Variants in COL13A1 observed in about 807,000 individuals in gnomAD.
COL13A1 encodes collagen type XIII alpha 1 chain, also known as collagen alpha-1(XIII) chain.
A neutral mutation model predicts 130.9 loss-of-function variants in COL13A1; 89 were observed. The ratio of observed to expected loss-of-function variants is 0.68; its 90% CI spans 0.57 to 0.81. COL13A1 has a LOEUF of 0.81. COL13A1 is among the 30% of genes least tolerant of loss of function. The pLI is 0.00. For synonymous variants in COL13A1, 402 were observed against 341.6 expected, an observed-to-expected ratio of 1.18 and a Z score of -1.95; for missense variants, 879 against 934.6, an observed-to-expected ratio of 0.94 and a Z score of 0.78.
At chr10:69,833,628 T>C (rs1849328879) in intron 2 of COL13A1, among the ~76,000 whole-genome samples, 1 of 152,194 alleles carries the variant, frequency 6.6e-6, no homozygotes, top group Non-Finnish European at 1.5e-5. Flanking sequence ...ATGGAAGAAG[T>C]GGCATTTGAA....
intron 1 of COL13A1, among the ~76,000 whole-genome samples, chr10:69,804,961 G>A (rs1370458221): frequency 6.6e-6 from 1 of 152,134 alleles, no homozygotes; most frequent in South Asian, 2.1e-4. Context: ...AAGAGCTGAA[G>A]GATGAATAGG....
chr10:69,867,661 G>A lies in COL13A1; in HGVS notation c.365-137G>A. On this transcript the variant is annotated intron_variant, in intron 2 of 40. Coordinates refer to ENST00000645393, the MANE Select transcript of COL13A1 (RefSeq NM_001368882.1). ...GAAGAGATTATATTGGTGAAAGTAG[G>A]CCAGGAAAAGACAAACTTCGAAGAC... 4.7e-6 allele frequency: 3 copies of A among 635,192 alleles called. No homozygotes were observed. The South Asian group carries it at 5.5e-5, about 12-fold the overall frequency. 39.3% of individuals were successfully genotyped at this position (635,192 alleles called of 1,614,324 possible). A position where few individuals can be genotyped will look rare whatever the true frequency, so the allele number is the denominator to read the frequency against.
At chr10:69,820,479 G>C (rs897978286) in intron 1 of COL13A1, among the ~76,000 whole-genome samples, 1 of 152,260 alleles carries the variant, frequency 6.6e-6, no homozygotes, top group African/African-American at 2.4e-5. Flanking sequence ...GGTGGGGAGG[G>C]ATGTGGAGGC....
In COL13A1 at chr10:69,947,349, C is replaced by G; in HGVS notation, c.2058+7C>G. 6.2e-7 allele frequency: 1 copy of G among 1,610,288 alleles called. No individual in the cohort carries two copies. The highest frequency in any genetic ancestry group is 8.5e-7 in the Non-Finnish European group (1 of 1,177,486). ...CGGGGACAAGGGAAACCGGGTGAGT[C>G]TGAGCCCCTGCACTCGTGCTCTAGT... On this transcript the variant is annotated splice_region_variant and intron_variant, in intron 38 of 40. Transcript: ENST00000645393.
chr10:69,918,425 G>T, intron 19 of COL13A1, 108 bp downstream of exon 19: 1 of 1,065,204 alleles, frequency 9.4e-7, no homozygotes, highest in Non-Finnish European at 1.4e-6. Context: ...CCAATGAGGG[G>T]GCATACAGGA....
intron 2 of COL13A1, chr10:69,824,126 C>G (rs1296556821): frequency 4.2e-6 from 2 of 472,198 alleles, no homozygotes; most frequent in Non-Finnish European, 8.8e-6. Flanking sequence ...ATTTAACCTC[C>G]TTGTGCCTCA....
At chr10:69,903,966 C>T (rs531403641) in intron 15 of COL13A1, among the ~76,000 whole-genome samples, 4 of 152,164 alleles carry the variant, frequency 2.6e-5, no homozygotes, top group Non-Finnish European at 5.9e-5. Context: ...CAGCTATGGC[C>T]GAACACAGCA....
intron 2 of COL13A1, among the ~76,000 whole-genome samples, chr10:69,843,532 T>C (rs1316015945): frequency 3.9e-5 from 6 of 152,240 alleles, no homozygotes; most frequent in African/African-American, 1.4e-4. Context: ...TTTCAAGTGT[T>C]CCTGTGGCTA....
intron 35 of COL13A1, among the ~76,000 whole-genome samples, chr10:69,942,730 G>A (rs753534822): frequency 3.3e-5 from 5 of 152,234 alleles, no homozygotes; most frequent in African/African-American, 7.2e-5. Context: ...TGGTACAGAC[G>A]GGGAAACCGA....
intron 2 of COL13A1, among the ~76,000 whole-genome samples, chr10:69,838,921 G>A (rs374388174): frequency 2.0e-4 from 30 of 152,340 alleles, no homozygotes; most frequent in African/African-American, 5.5e-4. Flanking sequence ...GAGTTCCTGC[G>A]TGTGAAGCCC....
At chr10:69,883,062 A>G (rs941785688) in intron 7 of COL13A1, among the ~76,000 whole-genome samples, 6 of 152,186 alleles carry the variant, frequency 3.9e-5, no homozygotes, top group Non-Finnish European at 7.4e-5. Flanking sequence ...GCTAATAAGA[A>G]CCAGCCTTGC....
chr10:69,814,280 C>G (rs1469186662), intron 1 of COL13A1, among the ~76,000 whole-genome samples: 1 of 152,250 alleles, frequency 6.6e-6, no homozygotes, highest in Non-Finnish European at 1.5e-5. Flanking sequence ...AGACCCTCCT[C>G]ACTCACCCTC....
chr10:69,850,293 C>A (rs7096311), intron 2 of COL13A1, among the ~76,000 whole-genome samples: 32,582 of 149,406 alleles, frequency 0.22, 3,780 homozygotes, highest in Middle Eastern at 0.39. Context: ...AGATTCTGGA[C>A]TCCACAAGAT....
chr10:69,842,859 G>C (rs1261291828), intron 2 of COL13A1, among the ~76,000 whole-genome samples: 1 of 152,232 alleles, frequency 6.6e-6, no homozygotes, highest in Non-Finnish European at 1.5e-5. Context: ...GAGGGTTTCA[G>C]ACGGGGTCCC....
intron 10 of COL13A1, 40 bp downstream of exon 10, chr10:69,889,480 G>A (rs1197893314): frequency 6.2e-7 from 1 of 1,604,312 alleles, no homozygotes; most frequent in African/African-American, 1.3e-5. Flanking sequence ...GATGGGTGGG[G>A]GTTGGCCCAG....
chr10:69,854,209 C>T (rs987522059), intron 2 of COL13A1, among the ~76,000 whole-genome samples: 3 of 152,162 alleles, frequency 2.0e-5, no homozygotes, highest in Non-Finnish European at 4.4e-5. Context: ...AACTTGGCTT[C>T]ATCCTTTCCT....
chr10:69,934,567 C>A (rs946214205), intron 31 of COL13A1, among the ~76,000 whole-genome samples: 2 of 152,180 alleles, frequency 1.3e-5, no homozygotes, highest in East Asian at 1.9e-4. Context: ...GAAGCCGAGG[C>A]GGGGTGAGCA....
chr10:69,912,400 G>A (rs895218411), intron 17 of COL13A1, among the ~76,000 whole-genome samples: 15 of 152,190 alleles, frequency 9.9e-5, no homozygotes, highest in African/African-American at 3.6e-4. Flanking sequence ...GCTGTAGCAG[G>A]GAAGCAGGAA....
chr10:69,851,361 G>A (rs879293601), intron 2 of COL13A1, among the ~76,000 whole-genome samples: 2 of 152,140 alleles, frequency 1.3e-5, no homozygotes, highest in Non-Finnish European at 2.9e-5. Flanking sequence ...CAGTGCCCTG[G>A]GGGAAAATGC....
Sources: gnomAD v4.1 joint callset for allele counts (sites outside exome capture counted in the v4.1 genomes callset) on GRCh38, gnomAD v4.1.1 for gene constraint, MANE v1.5 for transcripts, NCBI Gene and HGNC (gene_info 2026-07-23, HGNC 2026-07-21) for gene names.